Variants in MARCHF1 observed in about 807,000 individuals in gnomAD.
The protein encoded by MARCHF1 is E3 ubiquitin-protein ligase MARCHF1.
In MARCHF1, 40 loss-of-function variants were observed where a neutral mutation model predicts 54.2. That is an observed-to-expected ratio of 0.74 (90% CI 0.57 to 0.96). MARCHF1 has a LOEUF of 0.96. Among genes scored for constraint, MARCHF1 ranks in the 40% least tolerant of loss-of-function variants. The pLI, the probability that MARCHF1 is intolerant of heterozygous loss-of-function variation, is 0.00. For missense variants in MARCHF1, 586 were observed against 656.5 expected (o/e 0.89, Z 1.17); for synonymous variants, 236 against 236.3 (o/e 1.00, Z 0.01).
chr4:164,059,386 G>C (rs897669873), intron 2 of MARCHF1, among the ~76,000 whole-genome samples: 2 of 152,032 alleles, frequency 1.3e-5, no homozygotes, highest in Non-Finnish European at 1.5e-5. Context: ...TCAAGACAAG[G>C]CTTTTTATTG....
chr4:164,289,778 A>G (rs1230005860), intron 1 of MARCHF1, among the ~76,000 whole-genome samples: 1 of 152,032 alleles, frequency 6.6e-6, no homozygotes, highest in African/African-American at 2.4e-5. Context: ...ATCATACCAT[A>G]CATTGGTTTC....
intron 2 of MARCHF1, among the ~76,000 whole-genome samples, chr4:164,107,519 C>T (rs761640787): frequency 6.6e-5 from 10 of 152,040 alleles, no homozygotes; most frequent in Admixed American, 2.0e-4. Context: ...AGTACCACCA[C>T]GCTCTGCTTA....
intron 3 of MARCHF1, among the ~76,000 whole-genome samples, chr4:163,869,370 C>T (rs1750122038): frequency 6.6e-6 from 1 of 152,026 alleles, no homozygotes; most frequent in South Asian, 2.1e-4. Context: ...ATCCCAATAA[C>T]AAGGGCAATT....
At chr4:163,903,674 A>C (rs1410916290) in intron 3 of MARCHF1, among the ~76,000 whole-genome samples, 1 of 151,556 alleles carries the variant, frequency 6.6e-6, no homozygotes, top group Non-Finnish European at 1.5e-5. Flanking sequence ...GCAATGGTTC[A>C]ATCTTGGTTC....
chr4:163,615,511 A>G (rs4413365), intron 5 of MARCHF1, among the ~76,000 whole-genome samples: 61,662 of 151,612 alleles, frequency 0.41, 13,296 homozygotes, highest in East Asian at 0.55. Flanking sequence ...TTAGGAATAA[A>G]TTTAACTAAG....
intron 1 of MARCHF1, among the ~76,000 whole-genome samples, chr4:164,350,938 T>A (rs867489079): frequency 6.6e-6 from 1 of 151,948 alleles, no homozygotes; most frequent in Non-Finnish European, 1.5e-5. Flanking sequence ...GGGCGAGGCA[T>A]TGCCTCACCT....
At chr4:163,905,601 CA>C (rs1426135721) in intron 3 of MARCHF1, among the ~76,000 whole-genome samples, 1 of 152,082 alleles carries the variant, frequency 6.6e-6, no homozygotes, top group African/African-American at 2.4e-5. Flanking sequence ...ATGAAAAGTC[CA>C]AGGATCCAAA....
At chr4:164,020,368 T>C (rs1232527348) in intron 2 of MARCHF1, among the ~76,000 whole-genome samples, 2 of 152,160 alleles carry the variant, frequency 1.3e-5, no homozygotes, top group East Asian at 1.9e-4. Context: ...GGATTCTGGA[T>C]AAAATATGAG....
chr4:163,669,186 G>C (rs191307340), intron 5 of MARCHF1, among the ~76,000 whole-genome samples: 7 of 152,128 alleles, frequency 4.6e-5, no homozygotes, highest in Admixed American at 3.9e-4. Context: ...CTGAGTGAAC[G>C]CTGACTTGGC....
At chr4:164,309,787 T>C (rs1359275015) in intron 1 of MARCHF1, among the ~76,000 whole-genome samples, 3 of 152,178 alleles carry the variant, frequency 2.0e-5, no homozygotes, top group Non-Finnish European at 4.4e-5. Context: ...GCAAAAGGAC[T>C]AAACTAGACA....
intron 1 of MARCHF1, among the ~76,000 whole-genome samples, chr4:164,175,146 A>G (rs1374641832): frequency 1.3e-5 from 2 of 152,228 alleles, no homozygotes; most frequent in African/African-American, 4.8e-5. Flanking sequence ...AAGATAATAT[A>G]TGTCTAGATT....
intron 2 of MARCHF1, among the ~76,000 whole-genome samples, chr4:164,063,514 G>A (rs1754664454): frequency 6.6e-6 from 1 of 152,152 alleles, no homozygotes. Context: ...AATTCATATG[G>A]AAATATTTAA....
At chr4:163,757,721 T>C (rs968668594) in intron 4 of MARCHF1, among the ~76,000 whole-genome samples, 5 of 152,222 alleles carry the variant, frequency 3.3e-5, no homozygotes, top group African/African-American at 1.2e-4. Context: ...TTAAGGGTTC[T>C]GTTGACCTAT....
chr4:163,814,447 G>T (rs1412115258), intron 4 of MARCHF1, among the ~76,000 whole-genome samples: 2 of 152,180 alleles, frequency 1.3e-5, no homozygotes, highest in Admixed American at 6.5e-5. Flanking sequence ...GGTTGTGTGT[G>T]GTGGCGCATG....
intron 1 of MARCHF1, among the ~76,000 whole-genome samples, chr4:164,340,099 A>G (rs1382217939): frequency 1.3e-5 from 2 of 151,876 alleles, no homozygotes. Context: ...GTAATCAAAA[A>G]CCTCCCAAAA....
intron 8 of MARCHF1, among the ~76,000 whole-genome samples, chr4:163,565,616 A>G (rs1739620515): frequency 6.6e-6 from 1 of 152,210 alleles, no homozygotes; most frequent in Admixed American, 6.5e-5. Context: ...AGATGAAAAA[A>G]TCTAGGTGGG....
At chr4:163,626,108 T>C (rs893138047) in intron 5 of MARCHF1, among the ~76,000 whole-genome samples, 11 of 152,222 alleles carry the variant, frequency 7.2e-5, no homozygotes, top group African/African-American at 2.2e-4. Flanking sequence ...GATGATTACA[T>C]TGTACAGTGC....
intron 1 of MARCHF1, among the ~76,000 whole-genome samples, chr4:164,202,087 A>G (rs115521328): frequency 1.7e-3 from 266 of 152,330 alleles, no homozygotes; most frequent in Admixed American, 3.7e-3. Context: ...GGGAAGAAAA[A>G]CATGCAAAAC....
chr4:163,797,556 TAA>T (rs1381037005), intron 4 of MARCHF1, among the ~76,000 whole-genome samples: 1 of 152,142 alleles, frequency 6.6e-6, no homozygotes, highest in Non-Finnish European at 1.5e-5. Flanking sequence ...TAGTTTTAAT[TAA>T]CATCTCTTTT....
Sources: allele counts gnomAD v4.1 joint callset (sites outside exome capture counted in the v4.1 genomes callset), GRCh38; gene constraint gnomAD v4.1.1; transcripts MANE v1.5; gene names NCBI Gene and HGNC (gene_info 2026-07-23, HGNC 2026-07-21).